The following CSRNP3 variants were observed in gnomAD, a reference collection of about 807,000 sequenced individuals.
CSRNP3 encodes the protein cysteine/serine-rich nuclear protein 3.
CSRNP3 carries 12 observed loss-of-function variants against 48.0 expected under a neutral mutation model. The ratio of observed to expected loss-of-function variants is 0.25; its 90% confidence interval spans 0.16 to 0.41. The LOEUF (loss-of-function observed/expected upper bound fraction) is 0.41. Ranked by LOEUF, CSRNP3 falls within the 10% of genes least tolerant of loss-of-function variation. The pLI is 1.00. For missense variants in CSRNP3, 580 were observed against 724.4 expected (o/e 0.80, Z 2.29); for synonymous variants, 263 against 269.7 (o/e 0.98, Z 0.24).
chr2:165,592,452 A>G (rs1289894721), intron 3 of CSRNP3, among the ~76,000 whole-genome samples: 1 of 152,144 alleles, frequency 6.6e-6, no homozygotes, highest in Non-Finnish European at 1.5e-5. Flanking sequence ...TTGTGTTTTG[A>G]AATGTGAGGA....
chr2:165,581,950 C>A lies in CSRNP3; in HGVS notation c.-23-13093C>A, dbSNP rs147491418. ...TTCAGACTCCAAATTTATGTCTATTCATTTACTGAGCAGGCACTGGAATAC... is the reference window on the plus strand; with the variant it reads ...TTCAGACTCCAAATTTATGTCTATTAATTTACTGAGCAGGCACTGGAATAC... On this transcript the variant is annotated intron_variant, in intron 3 of 6. Coordinates refer to ENST00000651982, the MANE Select transcript of CSRNP3 (RefSeq NM_001172173.2). Among the ~76,000 whole-genome samples, 4 of 152,308 alleles carry A rather than the reference C, an allele frequency of 2.6e-5. No individual in the cohort carries two copies. In the South Asian group the frequency reaches 6.2e-4, roughly 24 times the overall value.
chr2:165,594,522 A>G (rs1300760728), intron 3 of CSRNP3, among the ~76,000 whole-genome samples: 1 of 152,212 alleles, frequency 6.6e-6, no homozygotes, highest in Non-Finnish European at 1.5e-5. Context: ...AGCAGGTAGC[A>G]TGGGGATGCA....
intron 3 of CSRNP3, among the ~76,000 whole-genome samples, chr2:165,545,005 G>C (rs1484529531): frequency 1.3e-5 from 2 of 152,184 alleles, no homozygotes; most frequent in Admixed American, 1.3e-4. Flanking sequence ...CCAAAAGAAT[G>C]GGTAGTATGG....
At chr2:165,616,548 A>G (rs573716580) in intron 4 of CSRNP3, among the ~76,000 whole-genome samples, 1 of 152,304 alleles carries the variant, frequency 6.6e-6, no homozygotes, top group Non-Finnish European at 1.5e-5. Context: ...ATTTTTAACT[A>G]ACTTTTTATA....
intron 4 of CSRNP3, among the ~76,000 whole-genome samples, chr2:165,600,095 C>G (rs1341298203): frequency 7.1e-6 from 1 of 140,574 alleles, no homozygotes; most frequent in East Asian, 2.1e-4. Context: ...CCCCCCACCC[C>G]ACAACAGTCC....
intron 1 of CSRNP3, among the ~76,000 whole-genome samples, chr2:165,486,061 A>T (rs933370913): frequency 2.6e-5 from 4 of 152,130 alleles, no homozygotes; most frequent in African/African-American, 9.7e-5. Context: ...GGAGTGCCAG[A>T]CAGTGGGCGC....
chr2:165,678,709 T>C lies in CSRNP3; in HGVS notation c.714T>C (p.Arg238=), dbSNP rs550015553. Residue 238 remains arginine, a synonymous_variant, in exon 7 of 7, where the codon CGT becomes CGC. Coordinates refer to ENST00000651982, the MANE Select transcript of CSRNP3 (RefSeq NM_001172173.2). ...GTGTTCTTCCTTCCAAGGTGGATCG[T>C]ATGTCTTTCCCATGCGGCTGCACTA... The part of the protein sequence containing the change: ...SLAGIKCQVD[R]MSFPCGCTKE... 3 of 1,613,328 alleles carry C rather than the reference T, an allele frequency of 1.9e-6. No individual in the cohort carries two copies. Among genetic ancestry groups the C allele is most frequent in the Non-Finnish European group, 1.7e-6 (2 of 1,179,504 alleles).
chr2:165,515,163 CAA>C (rs72228483), intron 2 of CSRNP3, among the ~76,000 whole-genome samples: 2 of 149,332 alleles, frequency 1.3e-5, no homozygotes, highest in Non-Finnish European at 1.5e-5. Context: ...ACTAAAGATA[CAA>C]AAAAAAAATA....
chr2:165,577,377 T>C (rs987923547), intron 3 of CSRNP3, among the ~76,000 whole-genome samples: 3 of 151,872 alleles, frequency 2.0e-5, no homozygotes, highest in Admixed American at 2.0e-4. Flanking sequence ...ATTAGACCTA[T>C]AGTAATGCTA....
intron 4 of CSRNP3, among the ~76,000 whole-genome samples, chr2:165,602,369 C>T (rs1393503939): frequency 6.6e-6 from 1 of 152,130 alleles, no homozygotes; most frequent in Admixed American, 6.6e-5. Flanking sequence ...CTCTTCACAC[C>T]CACTTATGCC....
chr2:165,637,596 T>TAC (rs1686653005), intron 4 of CSRNP3, among the ~76,000 whole-genome samples: 1 of 152,234 alleles, frequency 6.6e-6, no homozygotes, highest in South Asian at 2.1e-4. Context: ...TATGAATAAG[T>TAC]ACCAGTGCTT....
At chr2:165,553,073 C>A (rs1685118479) in intron 3 of CSRNP3, among the ~76,000 whole-genome samples, 1 of 152,128 alleles carries the variant, frequency 6.6e-6, no homozygotes, top group African/African-American at 2.4e-5. Flanking sequence ...TGTTCTCCAA[C>A]CCTGTTACAT....
rs865941260 is a variant in CSRNP3 at position 165,661,279 on chromosome 2, G to A, written c.408+3259G>A. On this transcript the variant is annotated intron_variant, in intron 5 of 6. Transcript: ENST00000651982. ...GGAATTATCTCCTGATAAACCCATCGTAAATTTAAAATATCATTAAGTTGA... is the reference window on the plus strand; with the variant it reads ...GGAATTATCTCCTGATAAACCCATCATAAATTTAAAATATCATTAAGTTGA... Among the ~76,000 whole-genome samples the A allele has an allele frequency of 3.9e-5, 6 of 152,242 alleles. 1 individual carries two copies. The highest frequency in any genetic ancestry group is 6.8e-3 in the Middle Eastern group (2 of 292).
At chr2:165,498,644 A>C (rs1325139897) in intron 2 of CSRNP3, among the ~76,000 whole-genome samples, 1 of 152,180 alleles carries the variant, frequency 6.6e-6, no homozygotes. Flanking sequence ...AACTTCAAAT[A>C]AAATTTTATT....
chr2:165,640,127 T>A (rs1161896553), intron 4 of CSRNP3, among the ~76,000 whole-genome samples: 1 of 152,204 alleles, frequency 6.6e-6, no homozygotes, highest in African/African-American at 2.4e-5. Flanking sequence ...TATAAATGAT[T>A]TATGTGAATT....
At chr2:165,654,893 G>C (rs775178039) in intron 4 of CSRNP3, among the ~76,000 whole-genome samples, 5 of 152,226 alleles carry the variant, frequency 3.3e-5, no homozygotes, top group Non-Finnish European at 5.9e-5. Context: ...GCCTCCCAAA[G>C]TGTTGGGATT....
intron 1 of CSRNP3, among the ~76,000 whole-genome samples, chr2:165,488,059 T>G (rs1439868935): frequency 3.5e-4 from 33 of 95,130 alleles, no homozygotes; most frequent in Non-Finnish European, 1.2e-4. Context: ...CCATCTCACG[T>G]GCAGAGACAC....
At chr2:165,673,712 T>A (rs937435644) in intron 5 of CSRNP3, among the ~76,000 whole-genome samples, 9 of 152,308 alleles carry the variant, frequency 5.9e-5, no homozygotes, top group African/African-American at 1.9e-4. Flanking sequence ...CAACCATTTT[T>A]TAAAAATTAG....
chr2:165,528,807 G>A (rs1344275038), intron 3 of CSRNP3, among the ~76,000 whole-genome samples: 1 of 152,242 alleles, frequency 6.6e-6, no homozygotes, highest in African/African-American at 2.4e-5. Context: ...CATGCCGGCT[G>A]CAGCAGGGAG....
Sources: gnomAD v4.1 joint callset for allele counts (sites outside exome capture counted in the v4.1 genomes callset) on GRCh38, gnomAD v4.1.1 for gene constraint, MANE v1.5 for transcripts, NCBI Gene and HGNC (gene_info 2026-07-23, HGNC 2026-07-21) for gene names.